Variants in SCFD2 observed in about 807,000 individuals in gnomAD.
The protein encoded by SCFD2 is sec1 family domain containing 2.
Under a neutral mutation model 58.9 loss-of-function variants are expected in SCFD2, and 54 were observed. The observed-to-expected ratio is 0.92, with a 90% confidence interval of 0.74 to 1.15. The LOEUF (loss-of-function observed/expected upper bound fraction) is 1.15. Among genes scored for constraint, SCFD2 ranks in the 50% most tolerant of loss-of-function variants. The probability of loss-of-function intolerance (pLI) is 0.00; values close to 1 mark genes in which losing one functional copy is unlikely to be tolerated. For synonymous variants in SCFD2, 321 were observed against 335.9 expected, an observed-to-expected ratio of 0.96 and a Z score of 0.49; for missense variants, 805 against 836.6, an observed-to-expected ratio of 0.96 and a Z score of 0.47.
At chr4:53,297,621 G>A (rs532283059) in intron 3 of SCFD2, among the ~76,000 whole-genome samples, 15 of 152,292 alleles carry the variant, frequency 9.8e-5, no homozygotes, top group African/African-American at 3.6e-4. Context: ...TTGCCAGTCT[G>A]TGTCTTTTAA....
chr4:53,047,218 C>T (rs1370387570), intron 5 of SCFD2, among the ~76,000 whole-genome samples: 1 of 152,090 alleles, frequency 6.6e-6, no homozygotes, highest in Non-Finnish European at 1.5e-5. Flanking sequence ...GAGGCTGAGG[C>T]AGGAGGACTG....
chr4:53,165,090 T>C (rs1468159583), intron 4 of SCFD2, among the ~76,000 whole-genome samples: 1 of 152,222 alleles, frequency 6.6e-6, no homozygotes, highest in Non-Finnish European at 1.5e-5. Context: ...TCCCTTACTC[T>C]TGCTGCTCCT....
At chr4:53,356,991 T>C (rs1734420909) in intron 1 of SCFD2, among the ~76,000 whole-genome samples, 1 of 152,148 alleles carries the variant, frequency 6.6e-6, no homozygotes, top group African/African-American at 2.4e-5. Context: ...GCCCATATTA[T>C]TATACTGATA....
At position 53,302,112 on chromosome 4, in the gene SCFD2, C is replaced by A. The variant is rs541422191; in HGVS notation, c.1135+11524G>T. Among the ~76,000 whole-genome samples the A allele has an allele frequency of 3.0e-3, 450 of 152,170 alleles. 2 individuals carry two copies. Among genetic ancestry groups the A allele is most frequent in the South Asian group, 0.011 (53 of 4,816 alleles). ...GGAAGTTCTGGCCAGGGCAATCAGG[C>A]AGGAGAAGGAAATAAAGGGCATTCA... On this transcript the variant is annotated intron_variant, in intron 3 of 8. Transcript: ENST00000401642.
chr4:52,943,083 A>T (rs1188701235), intron 5 of SCFD2, among the ~76,000 whole-genome samples: 1 of 152,202 alleles, frequency 6.6e-6, no homozygotes, highest in Non-Finnish European at 1.5e-5. Context: ...TAGCCCAGTG[A>T]TTCAAGATGG....
At chr4:53,255,891 GCTC>G (rs1349670190) in intron 4 of SCFD2, among the ~76,000 whole-genome samples, 1 of 139,008 alleles carries the variant, frequency 7.2e-6, no homozygotes, top group Admixed American at 6.8e-5. Flanking sequence ...GGGCAGAGGG[GCTC>G]CTCACTTCCC....
chr4:53,268,968 G>C (rs751029696), intron 4 of SCFD2, among the ~76,000 whole-genome samples: 16 of 152,078 alleles, frequency 1.1e-4, no homozygotes, highest in Non-Finnish European at 2.1e-4. Context: ...GTCAGAGAAG[G>C]GGGGTGCAAT....
At chr4:52,973,797 G>T (rs1721175610) in intron 5 of SCFD2, among the ~76,000 whole-genome samples, 1 of 152,200 alleles carries the variant, frequency 6.6e-6, no homozygotes, top group African/African-American at 2.4e-5. Flanking sequence ...AAATCCAGCA[G>T]CACATCAAAA....
At chr4:53,115,623 A>G (rs1454811172) in intron 5 of SCFD2, among the ~76,000 whole-genome samples, 1 of 152,204 alleles carries the variant, frequency 6.6e-6, no homozygotes, top group Non-Finnish European at 1.5e-5. Flanking sequence ...GAAACTTGAG[A>G]AAAGGAAAGG....
chr4:53,237,717 G>A (rs1729692382), intron 4 of SCFD2, among the ~76,000 whole-genome samples: 3 of 126,134 alleles, frequency 2.4e-5, no homozygotes, highest in Non-Finnish European at 1.7e-5. Flanking sequence ...AGTAGGGGCG[G>A]CCAGGCAGAG....
chr4:52,934,839 T>G (rs1577839187), intron 5 of SCFD2, among the ~76,000 whole-genome samples: 1 of 152,240 alleles, frequency 6.6e-6, no homozygotes, highest in African/African-American at 2.4e-5. Flanking sequence ...GTTTGATTTA[T>G]TGATAAAAGA....
At chr4:53,357,744 A>T (rs1247426992) in intron 1 of SCFD2, among the ~76,000 whole-genome samples, 1 of 152,242 alleles carries the variant, frequency 6.6e-6, no homozygotes, top group African/African-American at 2.4e-5. Context: ...AAAAAAAATC[A>T]GACACTTTTC....
At chr4:53,183,450 C>G (rs193131501) in intron 4 of SCFD2, among the ~76,000 whole-genome samples, 2,780 of 151,920 alleles carry the variant, frequency 0.018, 93 homozygotes, top group African/African-American at 0.064. Context: ...GGGAACTGAA[C>G]AATGAGAACA....
intron 1 of SCFD2, among the ~76,000 whole-genome samples, chr4:53,356,051 T>G (rs1734392012): frequency 6.6e-6 from 1 of 152,204 alleles, no homozygotes; most frequent in Non-Finnish European, 1.5e-5. Flanking sequence ...GCTGCAGTCA[T>G]CTGAATGCTT....
At chr4:53,258,710 T>C (rs1351406104) in intron 4 of SCFD2, among the ~76,000 whole-genome samples, 1 of 151,810 alleles carries the variant, frequency 6.6e-6, no homozygotes, top group Non-Finnish European at 1.5e-5. Flanking sequence ...GTGTTTTTCC[T>C]ATAATGACTT....
chr4:52,936,280 C>T (rs1720136743), intron 5 of SCFD2, among the ~76,000 whole-genome samples: 1 of 152,156 alleles, frequency 6.6e-6, no homozygotes, highest in African/African-American at 2.4e-5. Context: ...GCCATAGCTC[C>T]ACCCGCTTAA....
At chr4:53,255,889 GGGC>G (rs1730599212) in intron 4 of SCFD2, among the ~76,000 whole-genome samples, 1 of 140,576 alleles carries the variant, frequency 7.1e-6, no homozygotes, top group Non-Finnish European at 1.6e-5. Context: ...CCGGGCAGAG[GGGC>G]TCCTCACTTC....
At chr4:53,177,774 G>A (rs996863573) in intron 4 of SCFD2, among the ~76,000 whole-genome samples, 1 of 152,184 alleles carries the variant, frequency 6.6e-6, no homozygotes, top group African/African-American at 2.4e-5. Context: ...AGTGACAGAT[G>A]GCACCTGGAA....
At chr4:53,135,270 T>C (rs1446366941) in intron 5 of SCFD2, among the ~76,000 whole-genome samples, 2 of 152,164 alleles carry the variant, frequency 1.3e-5, no homozygotes, top group Non-Finnish European at 2.9e-5. Context: ...AGACTGGAAA[T>C]TGTTAAGTCC....
Sources: gnomAD v4.1 joint callset for allele counts (sites outside exome capture counted in the v4.1 genomes callset) on GRCh38, gnomAD v4.1.1 for gene constraint, MANE v1.5 for transcripts, NCBI Gene and HGNC (gene_info 2026-07-23, HGNC 2026-07-21) for gene names.